Variants in CRIM1 observed in about 807,000 individuals in gnomAD.
The protein encoded by CRIM1 is cysteine-rich motor neuron 1 protein.
CRIM1 carries 32 observed loss-of-function variants against 116.4 expected under a neutral mutation model. The observed-to-expected ratio is 0.27, with a 90% CI of 0.21 to 0.37. The LOEUF is 0.37. Among genes scored for constraint, CRIM1 ranks in the 10% least tolerant of loss-of-function variants. The probability of loss-of-function intolerance (pLI) is 1.00; values close to 1 mark genes in which losing one functional copy is unlikely to be tolerated. For synonymous variants in CRIM1, 590 were observed against 509.2 expected, an observed-to-expected ratio of 1.16 and a Z score of -2.13; for missense variants, 1,331 against 1,354.8, an observed-to-expected ratio of 0.98 and a Z score of 0.28.
intron 2 of CRIM1, among the ~76,000 whole-genome samples, chr2:36,437,921 C>A (rs1278096098): frequency 6.6e-6 from 1 of 151,948 alleles, no homozygotes; most frequent in East Asian, 1.9e-4. Flanking sequence ...ATCACAACAT[C>A]AGAAGATCGA....
chr2:36,464,498 T>C (rs1214911584), intron 4 of CRIM1, 36 bp from the exon 5 acceptor site: 2 of 1,613,196 alleles, frequency 1.2e-6, no homozygotes, highest in East Asian at 4.5e-5. Context: ...TTGTTGTTTA[T>C]TCATGGGGTT....
rs775927903 is a variant in CRIM1 at position 36,442,629 on chromosome 2, T to C, written c.763T>C (p.Cys255Arg). 6.2e-7 allele frequency: 1 copy of C among 1,614,186 alleles called. No homozygotes were observed. Reference sequence around the variant, plus strand: ...GCCCCTTTCAGTTTTCGGCGTGGACTGCAGGACTGTGGAATGCCCTCCTGT... The same window carrying C: ...GCCCCTTTCAGTTTTCGGCGTGGACCGCAGGACTGTGGAATGCCCTCCTGT... The part of the protein sequence containing the change: ...YECKPVFGVD[C>R]RTVECPPVQQ... The change falls in exon 4 of 17, where the codon TGC (cysteine) becomes CGC (arginine). Residue 255 changes from cysteine (C) to arginine (R), a missense_variant. Physicochemically the swap from Cys to Arg is radical, Grantham distance 180. Transcript: ENST00000280527.
At chr2:36,385,162 G>A (rs1671086446) in intron 1 of CRIM1, among the ~76,000 whole-genome samples, 1 of 151,644 alleles carries the variant, frequency 6.6e-6, no homozygotes, top group Admixed American at 6.6e-5. Flanking sequence ...ACCAGTATTA[G>A]AGTTAATGGC....
chr2:36,376,370 G>T (rs1670319494), intron 1 of CRIM1, among the ~76,000 whole-genome samples: 1 of 152,234 alleles, frequency 6.6e-6, no homozygotes, highest in African/African-American at 2.4e-5. Flanking sequence ...TGTGTAAGCT[G>T]CAGGTTGAGG....
At chr2:36,484,824 A>G (rs1572847123) in intron 7 of CRIM1, among the ~76,000 whole-genome samples, 1 of 152,214 alleles carries the variant, frequency 6.6e-6, no homozygotes, top group Non-Finnish European at 1.5e-5. Flanking sequence ...AAAAGGTAGC[A>G]TTCAGAATTA....
rs11892042 is a variant in CRIM1, at chr2:36,359,105, A to G, written c.331+2482A>G. Among the ~76,000 whole-genome samples the G allele has an allele frequency of 2.5e-3, 381 of 152,290 alleles. 2 individuals are homozygous for G. The highest frequency in any genetic ancestry group is 8.5e-3 in the African/African-American group (353 of 41,556). ...AGTGTTTCCCTCAGTTTCCATTTTTATTCAGAAATTCACGTGGTGAAGCAT... is the reference window on the plus strand; with the variant it reads ...AGTGTTTCCCTCAGTTTCCATTTTTGTTCAGAAATTCACGTGGTGAAGCAT... On this transcript the variant is annotated intron_variant, in intron 1 of 16. Transcript: ENST00000280527.
chr2:36,395,969 A>C (rs1671999154), intron 1 of CRIM1, among the ~76,000 whole-genome samples: 1 of 152,218 alleles, frequency 6.6e-6, no homozygotes, highest in Non-Finnish European at 1.5e-5. Flanking sequence ...CCTGTTTCCC[A>C]GACCGGAATG....
At chr2:36,534,713 G>T (rs548812781) in intron 13 of CRIM1, among the ~76,000 whole-genome samples, 1 of 149,310 alleles carries the variant, frequency 6.7e-6, no homozygotes, top group South Asian at 2.3e-4. Context: ...AGGAAGACAG[G>T]AAGAAGGAAA....
intron 11 of CRIM1, among the ~76,000 whole-genome samples, chr2:36,516,844 T>C (rs912447241): frequency 6.6e-6 from 1 of 152,218 alleles, no homozygotes; most frequent in Non-Finnish European, 1.5e-5. Flanking sequence ...GGTTGCAGTT[T>C]CCCTCGTCTC....
chr2:36,463,747 G>T (rs142178837), intron 4 of CRIM1, among the ~76,000 whole-genome samples: 1 of 152,208 alleles, frequency 6.6e-6, no homozygotes, highest in African/African-American at 2.4e-5. Flanking sequence ...TTTTGCAGCA[G>T]CATCGAAGTT....
intron 7 of CRIM1, among the ~76,000 whole-genome samples, chr2:36,493,242 CG>C (rs1291456958): frequency 3.8e-4 from 57 of 149,830 alleles, no homozygotes; most frequent in African/African-American, 1.3e-3. Context: ...GACCTCATCT[CG>C]AAAGAAGAAG....
intron 1 of CRIM1, among the ~76,000 whole-genome samples, chr2:36,359,169 T>C (rs1286981479): frequency 6.6e-6 from 1 of 152,206 alleles, no homozygotes; most frequent in Non-Finnish European, 1.5e-5. Flanking sequence ...CAATATATTT[T>C]ATTCATGTTG....
intron 7 of CRIM1, among the ~76,000 whole-genome samples, chr2:36,482,856 G>A (rs1374151501): frequency 6.6e-6 from 1 of 152,160 alleles, no homozygotes; most frequent in African/African-American, 2.4e-5. Flanking sequence ...GACCTCCAGG[G>A]AGGAAGAACC....
intron 14 of CRIM1, among the ~76,000 whole-genome samples, chr2:36,543,823 A>T (rs374977774): frequency 1.3e-4 from 20 of 152,276 alleles, no homozygotes; most frequent in African/African-American, 4.3e-4. Flanking sequence ...TTCTAATCTA[A>T]ATGGTTCCAG....
At chr2:36,389,583 T>C (rs1671424100) in intron 1 of CRIM1, among the ~76,000 whole-genome samples, 1 of 152,204 alleles carries the variant, frequency 6.6e-6, no homozygotes, top group South Asian at 2.1e-4. Flanking sequence ...ATATTTCTGG[T>C]AAGTGGATTG....
At chr2:36,399,997 C>T (rs1471372939) in intron 2 of CRIM1, among the ~76,000 whole-genome samples, 3 of 152,128 alleles carry the variant, frequency 2.0e-5, no homozygotes, top group African/African-American at 4.8e-5. Flanking sequence ...AGCACAGTTG[C>T]GTGATTTTCT....
intron 13 of CRIM1, 22 bp downstream of exon 13, chr2:36,522,335 T>A (rs1385453538): frequency 3.9e-6 from 6 of 1,523,532 alleles, no homozygotes; most frequent in South Asian, 3.4e-5. Flanking sequence ...GAAAAAAAAA[T>A]CCCTCATCTC....
At chr2:36,489,825 GCA>G (rs941190203) in intron 7 of CRIM1, among the ~76,000 whole-genome samples, 6 of 152,144 alleles carry the variant, frequency 3.9e-5, no homozygotes, top group African/African-American at 1.4e-4. Context: ...CAGGGGCCAG[GCA>G]CACAGAGTCA....
chr2:36,456,510 T>G (rs1677143759), intron 4 of CRIM1, among the ~76,000 whole-genome samples: 1 of 152,182 alleles, frequency 6.6e-6, no homozygotes, highest in Admixed American at 6.5e-5. Context: ...AAACTAGTCC[T>G]TCATGCAGCT....
Sources: allele counts gnomAD v4.1 joint callset (sites outside exome capture counted in the v4.1 genomes callset), GRCh38; gene constraint gnomAD v4.1.1; transcripts MANE v1.5; gene names NCBI Gene and HGNC (gene_info 2026-07-23, HGNC 2026-07-21).